MAP3K2: variants seen among roughly 807,000 people sequenced by gnomAD.
The protein encoded by MAP3K2 is MAP/ERK kinase kinase 2.
MAP3K2 carries 24 observed loss-of-function variants against 80.3 expected under a neutral mutation model. That is an observed-to-expected ratio of 0.30 (90% CI 0.22 to 0.42). MAP3K2 has a LOEUF of 0.42. Among genes scored for constraint, MAP3K2 ranks in the 10% least tolerant of loss-of-function variants. The probability of loss-of-function intolerance (pLI) is 1.00; values close to 1 mark genes in which losing one functional copy is unlikely to be tolerated. For synonymous variants in MAP3K2, 244 were observed against 253.7 expected (o/e 0.96, Z 0.36); for missense variants, 608 against 750.1 (o/e 0.81, Z 2.21).
At position 127,307,156 on chromosome 2, in the gene MAP3K2, A is replaced by G. The variant is rs1300815061; in HGVS notation, c.*423T>C. On this transcript the variant is annotated 3_prime_UTR_variant, in exon 17 of 17. Transcript: ENST00000682094. This position sits in a 1 kb window ranked among gnomAD's most constrained non-coding sequence, Gnocchi z 5.4. ...CAAATGAGGATATATTTTAAATACTATCACTAAAAACTACAAATTATACAT... is the reference window on the plus strand; with the variant it reads ...CAAATGAGGATATATTTTAAATACTGTCACTAAAAACTACAAATTATACAT... 4 of 153,092 alleles carry G rather than the reference A, an allele frequency of 2.6e-5. No homozygotes were observed. The highest frequency in any genetic ancestry group is 4.4e-5 in the Non-Finnish European group (3 of 68,450). 9.5% of individuals were successfully genotyped at this position (153,092 alleles called of 1,614,324 possible).
chr2:127,308,544 G>GAAAA (rs1685752243), intron 16 of MAP3K2, 41 bp downstream of exon 16: 2 of 1,503,404 alleles, frequency 1.3e-6, no homozygotes, highest in Non-Finnish European at 1.8e-6. Context: ...AAATACATAG[G>GAAAA]CGGCAGGTGG....
At chr2:127,353,420 C>A (rs1337743965) in intron 1 of MAP3K2, among the ~76,000 whole-genome samples, 1 of 151,246 alleles carries the variant, frequency 6.6e-6, no homozygotes, top group Non-Finnish European at 1.5e-5. Flanking sequence ...ACCCTCCGCC[C>A]GGCAGCCGCC....
chr2:127,328,436 G>A (rs904399738), intron 7 of MAP3K2, among the ~76,000 whole-genome samples: 2 of 152,174 alleles, frequency 1.3e-5, no homozygotes, highest in African/African-American at 2.4e-5. Flanking sequence ...AGTTTGAAAA[G>A]TAAAATGTAC....
chr2:127,377,664 ATG>A (rs1687174297), intron 1 of MAP3K2, among the ~76,000 whole-genome samples: 1 of 152,240 alleles, frequency 6.6e-6, no homozygotes, highest in Non-Finnish European at 1.5e-5. Context: ...AAAATGTAAT[ATG>A]AATTTTCTGG....
At position 127,382,200 on chromosome 2, in the gene MAP3K2, C is replaced by T. The variant is rs1687259084; in HGVS notation, c.-66+5252G>A. Among the ~76,000 whole-genome samples, 3 of 152,080 alleles carry T rather than the reference C, an allele frequency of 2.0e-5. No individual in the cohort carries two copies. The South Asian group carries it at 6.2e-4, about 31-fold the overall frequency. ...TAGAGTATATGAAAGAAGTATCGCA[C>T]CTAAGAAAAGTAACAATAATGGTAT... On this transcript the variant is annotated intron_variant, in intron 1 of 16. Coordinates refer to ENST00000682094, the MANE Select transcript of MAP3K2 (RefSeq NM_001371910.2).
chr2:127,308,017 C>T (rs916386916), intron 16 of MAP3K2, among the ~76,000 whole-genome samples: 3 of 152,018 alleles, frequency 2.0e-5, no homozygotes, highest in East Asian at 1.9e-4. Context: ...TTAATTCAAA[C>T]GGTTGGGCAA....
At chr2:127,372,004 G>A (rs1687073384) in intron 1 of MAP3K2, among the ~76,000 whole-genome samples, 1 of 152,138 alleles carries the variant, frequency 6.6e-6, no homozygotes, top group African/African-American at 2.4e-5. Context: ...CTCTCTCAGA[G>A]CAACCACCAC....
chr2:127,315,416 C>T (rs533752537), intron 14 of MAP3K2, among the ~76,000 whole-genome samples: 5 of 152,312 alleles, frequency 3.3e-5, no homozygotes, highest in South Asian at 2.1e-4. Context: ...TTTTGGTAAA[C>T]GGTGTACTCT....
intron 1 of MAP3K2, among the ~76,000 whole-genome samples, chr2:127,353,457 G>A (rs2603618): frequency 7.3e-5 from 11 of 151,148 alleles, no homozygotes; most frequent in African/African-American, 7.3e-5. Context: ...GAGCCCCTCC[G>A]CCCAGCAGCC....
chr2:127,319,459 T>C lies in MAP3K2; in HGVS notation c.1046-1142A>G, dbSNP rs930480726. Among the ~76,000 whole-genome samples, 10 of 151,652 alleles carry C rather than the reference T, an allele frequency of 6.6e-5. 1 individual carries two copies. Among genetic ancestry groups the C allele is most frequent in the Admixed American group, 6.6e-4 (10 of 15,224 alleles). The stretch of plus-strand genomic sequence containing the variant: ...TGGCAAGTAACAGCAATCCACTTAC[T>C]GAGAGCATGACAAGGCCATGGAGAG... On this transcript the variant is annotated intron_variant, in intron 12 of 16. Transcript: ENST00000682094.
chr2:127,314,965 G>A, intron 14 of MAP3K2, 82 bp from the exon 15 acceptor site: 3 of 974,300 alleles, frequency 3.1e-6, no homozygotes, highest in African/African-American at 1.7e-5. Context: ...TCAGTAAAGA[G>A]GGCAGGAATT....
At chr2:127,330,900 C>T (rs1264709534) in intron 5 of MAP3K2, among the ~76,000 whole-genome samples, 1 of 152,052 alleles carries the variant, frequency 6.6e-6, no homozygotes, top group Admixed American at 6.5e-5. Context: ...AAACTCAGTT[C>T]TTTTTTCAAT....
At chr2:127,325,653 G>A (rs570303145) in intron 9 of MAP3K2, 75 bp downstream of exon 9, 56 of 1,175,430 alleles carry the variant, frequency 4.8e-5, no homozygotes, top group South Asian at 4.7e-4. Flanking sequence ...ACGCCACTGC[G>A]CTCCAGCCTG....
chr2:127,336,633 T>C (rs1204280862), intron 4 of MAP3K2, among the ~76,000 whole-genome samples: 2 of 152,146 alleles, frequency 1.3e-5, no homozygotes, highest in African/African-American at 4.8e-5. Flanking sequence ...ACTCAACAAA[T>C]AATGCTGAAT....
At chr2:127,317,816 T>C (rs1685936540) in intron 13 of MAP3K2, 56 bp from the exon 14 acceptor site, 3 of 1,497,504 alleles carry the variant, frequency 2.0e-6, no homozygotes, top group Non-Finnish European at 2.7e-6. Flanking sequence ...AGCAAAAAAT[T>C]CTAACTTCAT....
chr2:127,374,794 T>C (rs1374856025), intron 1 of MAP3K2, among the ~76,000 whole-genome samples: 4 of 152,196 alleles, frequency 2.6e-5, no homozygotes, highest in African/African-American at 9.7e-5. Flanking sequence ...TGGTCTGGCT[T>C]ATGCCAGCTC....
chr2:127,341,624 C>T (rs992487040), intron 2 of MAP3K2, among the ~76,000 whole-genome samples: 6 of 148,894 alleles, frequency 4.0e-5, no homozygotes, highest in Admixed American at 1.4e-4. Context: ...GATCCGCCTC[C>T]TGGGTTCACG....
chr2:127,335,047 C>T (rs577988136), intron 5 of MAP3K2, among the ~76,000 whole-genome samples: 1 of 152,254 alleles, frequency 6.6e-6, no homozygotes, highest in South Asian at 2.1e-4. Context: ...GGATTACAAG[C>T]GTGAGCAACC....
chr2:127,330,289 T>C, intron 6 of MAP3K2, 103 bp downstream of exon 6: 1 of 618,902 alleles, frequency 1.6e-6, no homozygotes, highest in Non-Finnish European at 2.8e-6. Context: ...TTAATCATAA[T>C]GAAAATATTG....
Sources: allele counts gnomAD v4.1 joint callset (sites outside exome capture counted in the v4.1 genomes callset), GRCh38; gene constraint gnomAD v4.1.1; non-coding constraint Gnocchi (gnomAD v3.1); transcripts MANE v1.5; gene names NCBI Gene and HGNC (gene_info 2026-07-23, HGNC 2026-07-21).